EIF2B3: variants seen among roughly 807,000 people sequenced by gnomAD.
The protein encoded by EIF2B3 is translation initiation factor eIF2B subunit gamma.
Under a neutral mutation model 54.1 loss-of-function variants are expected in EIF2B3, and 20 were observed. The ratio of observed to expected loss-of-function variants is 0.37; its 90% CI spans 0.26 to 0.54. EIF2B3 has a LOEUF of 0.54. EIF2B3 is among the 20% of genes least tolerant of loss of function. The pLI is 0.86. For missense variants in EIF2B3, 448 were observed against 547.8 expected (o/e 0.82, Z 1.82); for synonymous variants, 153 against 188.1 (o/e 0.81, Z 1.52).
chr1:44,897,166 CTG>C (rs1189304488), intron 6 of EIF2B3, among the ~76,000 whole-genome samples, 187 bp downstream of exon 6: 4 of 152,194 alleles, frequency 2.6e-5, no homozygotes, highest in African/African-American at 9.7e-5. Context: ...GCAGGGGACT[CTG>C]TGGTACAGAT....
intron 5 of EIF2B3, among the ~76,000 whole-genome samples, chr1:44,912,071 G>A (rs1197349126): frequency 3.3e-5 from 5 of 151,568 alleles, no homozygotes; most frequent in Non-Finnish European, 5.9e-5. Flanking sequence ...ATTCCATGGT[G>A]TATATGTGCC....
intron 5 of EIF2B3, among the ~76,000 whole-genome samples, chr1:44,901,619 C>T (rs114744304): frequency 0.015 from 2,143 of 141,182 alleles, 61 homozygotes; most frequent in African/African-American, 0.054. Context: ...AGTGCTGTGG[C>T]GTGATCACAG....
chr1:44,986,342 C>T (rs1025437638), intron 1 of EIF2B3, among the ~76,000 whole-genome samples, 151 bp downstream of exon 1: 10 of 152,114 alleles, frequency 6.6e-5, no homozygotes, highest in Admixed American at 1.3e-4. Context: ...CCCAACCTCC[C>T]TTCTACTTCG....
intron 4 of EIF2B3, 95 bp from the exon 5 acceptor site, chr1:44,926,834 G>C (rs1162233588): frequency 9.1e-7 from 1 of 1,097,572 alleles, no homozygotes; most frequent in Non-Finnish European, 1.4e-6. Context: ...AGTGCTCTTG[G>C]AAACAACACA....
chr1:44,854,167 T>A (rs1176675476), intron 11 of EIF2B3, among the ~76,000 whole-genome samples: 2 of 152,032 alleles, frequency 1.3e-5, no homozygotes, highest in Non-Finnish European at 2.9e-5. Flanking sequence ...CACACACAGC[T>A]AATTTTTGTA....
intron 10 of EIF2B3, among the ~76,000 whole-genome samples, chr1:44,874,055 G>C (rs1174808801): frequency 6.7e-6 from 1 of 150,174 alleles, no homozygotes; most frequent in East Asian, 1.9e-4. Flanking sequence ...AAATGTTCCA[G>C]TGAGAATTTC....
intron 5 of EIF2B3, among the ~76,000 whole-genome samples, chr1:44,921,943 C>G (rs1197511190): frequency 6.7e-6 from 1 of 150,030 alleles, no homozygotes. Flanking sequence ...GAGATGGAGT[C>G]TTGCTCTGTC....
At chr1:44,874,619 G>T in intron 10 of EIF2B3, 59 bp downstream of exon 10, 2 of 1,582,974 alleles carry the variant, frequency 1.3e-6, no homozygotes, top group South Asian at 2.3e-5. Context: ...CCTTCCTTCA[G>T]AATTTTGAAG....
intron 10 of EIF2B3, among the ~76,000 whole-genome samples, chr1:44,870,113 G>A (rs892933152): frequency 4.0e-5 from 6 of 151,566 alleles, no homozygotes; most frequent in Admixed American, 6.6e-5. Flanking sequence ...TTGAGGCTGC[G>A]GTGAGCCATG....
intron 3 of EIF2B3, among the ~76,000 whole-genome samples, chr1:44,970,889 A>G (rs1184521695): frequency 1.3e-5 from 2 of 152,202 alleles, no homozygotes; most frequent in Non-Finnish European, 2.9e-5. Flanking sequence ...TGTAGTAAGA[A>G]AAAACCAAGT....
At chr1:44,892,927 A>T (rs1162980318) in intron 6 of EIF2B3, among the ~76,000 whole-genome samples, 1 of 152,240 alleles carries the variant, frequency 6.6e-6, no homozygotes. Context: ...GCCTGAACTG[A>T]ACAGTAAGAA....
chr1:44,885,971 T>C (rs1475356946), intron 6 of EIF2B3, among the ~76,000 whole-genome samples: 1 of 150,744 alleles, frequency 6.6e-6, no homozygotes, highest in African/African-American at 2.4e-5. Flanking sequence ...GGTCTTGAAC[T>C]CCTGACCTCG....
At chr1:44,975,959 T>C (rs1273121964) in intron 3 of EIF2B3, among the ~76,000 whole-genome samples, 2 of 152,260 alleles carry the variant, frequency 1.3e-5, no homozygotes, top group East Asian at 1.9e-4. Flanking sequence ...ATTGCACCAC[T>C]GCACTCAGCC....
At chr1:44,929,802 T>C (rs1643881065) in intron 4 of EIF2B3, among the ~76,000 whole-genome samples, 1 of 152,248 alleles carries the variant, frequency 6.6e-6, no homozygotes, top group Non-Finnish European at 1.5e-5. Flanking sequence ...TTTTCAGCTA[T>C]GTTGCACTTT....
chr1:44,968,591 T>C (rs1644368718), intron 3 of EIF2B3, among the ~76,000 whole-genome samples: 1 of 152,116 alleles, frequency 6.6e-6, no homozygotes, highest in Non-Finnish European at 1.5e-5. Flanking sequence ...ACGCTGTATG[T>C]CAAAAGATAA....
chr1:44,913,341 A>T (rs1038053658), intron 5 of EIF2B3, among the ~76,000 whole-genome samples: 1 of 152,152 alleles, frequency 6.6e-6, no homozygotes, highest in Admixed American at 6.6e-5. Context: ...CTTTCTTCGC[A>T]GAATTCCAGA....
chr1:44,951,183 C>T (rs1345404283), intron 3 of EIF2B3, among the ~76,000 whole-genome samples: 1 of 152,144 alleles, frequency 6.6e-6, no homozygotes, highest in East Asian at 1.9e-4. Context: ...CCAAAAATTG[C>T]ACCAACTCCA....
chr1:44,977,823 A>G (rs1409437246), intron 3 of EIF2B3, among the ~76,000 whole-genome samples: 1 of 152,220 alleles, frequency 6.6e-6, no homozygotes, highest in East Asian at 1.9e-4. Context: ...ATTGGAAACC[A>G]GTGACTATGA....
chr1:44,943,187 T>TA (rs936745683), intron 3 of EIF2B3, among the ~76,000 whole-genome samples: 35 of 148,354 alleles, frequency 2.4e-4, no homozygotes, highest in African/African-American at 5.2e-4. Flanking sequence ...ATTTTTAAAT[T>TA]AAAAAAAAAA....
Sources: allele counts gnomAD v4.1 joint callset (sites outside exome capture counted in the v4.1 genomes callset), GRCh38; gene constraint gnomAD v4.1.1; transcripts MANE v1.5; gene names NCBI Gene and HGNC (gene_info 2026-07-23, HGNC 2026-07-21).